Variants in XKR6 observed in about 807,000 individuals in gnomAD.
XKR6 encodes the protein XK related 6.
XKR6 carries 22 observed loss-of-function variants against 56.7 expected under a neutral mutation model. The observed-to-expected ratio is 0.39, with a 90% confidence interval of 0.28 to 0.55. XKR6 has a LOEUF of 0.55. XKR6 is among the 20% of genes least tolerant of loss of function. The probability of loss-of-function intolerance (pLI) is 0.66; values close to 1 mark genes in which losing one functional copy is unlikely to be tolerated. For synonymous variants in XKR6, 524 were observed against 387.8 expected, an observed-to-expected ratio of 1.35 and a Z score of -4.13; for missense variants, 852 against 889.0, an observed-to-expected ratio of 0.96 and a Z score of 0.53.
intron 1 of XKR6, among the ~76,000 whole-genome samples, chr8:11,022,734 T>C (rs1023222626): frequency 5.9e-5 from 9 of 152,322 alleles, no homozygotes; most frequent in Admixed American, 5.2e-4. Flanking sequence ...TAGTAAGTGG[T>C]AGAACCAAGA....
intron 1 of XKR6, among the ~76,000 whole-genome samples, chr8:11,087,565 A>G (rs1586527080): frequency 6.6e-6 from 1 of 152,198 alleles, no homozygotes; most frequent in East Asian, 1.9e-4. Flanking sequence ...CTTCCTCTGG[A>G]CATGGTCAGG....
intron 1 of XKR6, among the ~76,000 whole-genome samples, chr8:11,139,010 A>G (rs1013218207): frequency 2.0e-5 from 3 of 152,066 alleles, no homozygotes; most frequent in Admixed American, 6.5e-5. Flanking sequence ...CACATTCTGG[A>G]TAATTTTCAG....
intron 1 of XKR6, among the ~76,000 whole-genome samples, chr8:10,927,122 A>G (rs1800910982): frequency 6.6e-6 from 1 of 152,182 alleles, no homozygotes; most frequent in Non-Finnish European, 1.5e-5. Flanking sequence ...AGATGTCATC[A>G]TCGGTAGTTT....
In XKR6 at chr8:11,042,194, C is replaced by G. The variant is rs376234729; in HGVS notation, c.765-117364G>C. Among the ~76,000 whole-genome samples the G allele has an allele frequency of 3.3e-5, 5 of 152,146 alleles. No homozygotes were observed. In the East Asian group the frequency reaches 9.6e-4, roughly 29 times the overall value. ...GCAGTTTATCACAGGTCGAGTCTCC[C>G]TTATCCAAAATGCTTGGGACCAGAA... On this transcript the variant is annotated intron_variant, in intron 1 of 2. Coordinates refer to ENST00000416569, the MANE Select transcript of XKR6 (RefSeq NM_173683.4).
intron 1 of XKR6, among the ~76,000 whole-genome samples, chr8:11,177,147 A>G (rs1802700193): frequency 6.6e-6 from 1 of 152,170 alleles, no homozygotes; most frequent in South Asian, 2.1e-4. Context: ...ATGATGGAAA[A>G]CGAGGGCACA....
intron 2 of XKR6, among the ~76,000 whole-genome samples, chr8:10,911,337 A>G (rs915794522): frequency 3.5e-5 from 4 of 114,636 alleles, no homozygotes; most frequent in Admixed American, 8.3e-5. Flanking sequence ...ATATATATAT[A>G]TATGTGTGTG....
At chr8:11,018,776 A>G (rs1798683546) in intron 1 of XKR6, among the ~76,000 whole-genome samples, 1 of 152,096 alleles carries the variant, frequency 6.6e-6, no homozygotes, top group Non-Finnish European at 1.5e-5. Context: ...ATAGCTCCCC[A>G]TTGCCAAAAA....
intron 2 of XKR6, among the ~76,000 whole-genome samples, chr8:10,904,568 C>A (rs1307183145): frequency 6.6e-6 from 1 of 152,086 alleles, no homozygotes. Flanking sequence ...GATCCTAGAA[C>A]CTGGAGGGAG....
chr8:11,040,023 T>A (rs1440846787), intron 1 of XKR6, among the ~76,000 whole-genome samples: 1 of 152,070 alleles, frequency 6.6e-6, no homozygotes, highest in Admixed American at 6.5e-5. Flanking sequence ...CCTATCCCCA[T>A]CCCGCCACCC....
chr8:10,983,714 G>A (rs1053097178), intron 1 of XKR6, among the ~76,000 whole-genome samples: 3 of 150,984 alleles, frequency 2.0e-5, no homozygotes, highest in Admixed American at 2.0e-4. Context: ...GGAGTGCAGT[G>A]GCCTGATCTC....
chr8:11,098,440 A>G (rs1280110968), intron 1 of XKR6, among the ~76,000 whole-genome samples: 1 of 152,138 alleles, frequency 6.6e-6, no homozygotes, highest in Non-Finnish European at 1.5e-5. Context: ...TCCTGACGCT[A>G]CTAATGCTGT....
rs145388845 is a variant in XKR6 at position 11,012,289 on chromosome 8, A to T, written c.765-87459T>A. Among the ~76,000 whole-genome samples, 471 of 152,336 alleles carry T rather than the reference A, an allele frequency of 3.1e-3. 1 individual carries two copies. Among genetic ancestry groups the T allele is most frequent in the African/African-American group, 0.011 (450 of 41,570 alleles). On this transcript the variant is annotated intron_variant, in intron 1 of 2. Transcript: ENST00000416569. The stretch of plus-strand genomic sequence containing the variant: ...GGACCTCAGCTGCTAGGGAACTGCT[A>T]TGCAGATAAATTTAACCTGGCAAGT...
At chr8:11,091,829 C>T (rs1798082848) in intron 1 of XKR6, among the ~76,000 whole-genome samples, 2 of 152,200 alleles carry the variant, frequency 1.3e-5, no homozygotes, top group Admixed American at 1.3e-4. Context: ...TCAAGTCCCC[C>T]AACACCTCCT....
At chr8:10,992,961 A>G (rs1298759063) in intron 1 of XKR6, among the ~76,000 whole-genome samples, 4 of 152,204 alleles carry the variant, frequency 2.6e-5, no homozygotes, top group Admixed American at 6.5e-5. Context: ...ACCTTTCCCA[A>G]TGACTGGATT....
At chr8:11,065,671 C>T (rs1402391425) in intron 1 of XKR6, among the ~76,000 whole-genome samples, 4 of 152,024 alleles carry the variant, frequency 2.6e-5, no homozygotes, top group Non-Finnish European at 5.9e-5. Context: ...CTTACTCCTT[C>T]CTCTCATTCC....
At chr8:11,146,648 A>T (rs1801001505) in intron 1 of XKR6, among the ~76,000 whole-genome samples, 1 of 151,992 alleles carries the variant, frequency 6.6e-6, no homozygotes, top group African/African-American at 2.4e-5. Flanking sequence ...AACACTAACA[A>T]AATGGGCTTC....
chr8:11,157,546 C>A (rs1215696312), intron 1 of XKR6, among the ~76,000 whole-genome samples: 2 of 152,118 alleles, frequency 1.3e-5, no homozygotes, highest in Non-Finnish European at 2.9e-5. Flanking sequence ...GATGCAGTCT[C>A]TCTCTGTTGC....
intron 1 of XKR6, among the ~76,000 whole-genome samples, chr8:11,063,683 TG>T (rs1397009236): frequency 2.6e-5 from 4 of 152,164 alleles, no homozygotes; most frequent in Admixed American, 6.5e-5. Flanking sequence ...TTTTAATATA[TG>T]GGGAGAGGCC....
intron 1 of XKR6, among the ~76,000 whole-genome samples, chr8:11,088,923 T>C (rs1043571983): frequency 6.6e-6 from 1 of 152,146 alleles, no homozygotes; most frequent in East Asian, 1.9e-4. Context: ...CAAATCAGGG[T>C]AGGCTGTATG....
Sources: allele counts gnomAD v4.1 joint callset (sites outside exome capture counted in the v4.1 genomes callset), GRCh38; gene constraint gnomAD v4.1.1; transcripts MANE v1.5; gene names NCBI Gene and HGNC (gene_info 2026-07-23, HGNC 2026-07-21).